The following NKTR variants were observed in gnomAD, a reference collection of about 807,000 sequenced individuals.
NKTR encodes the protein natural killer cell triggering receptor.
Under a neutral mutation model 156.3 loss-of-function variants are expected in NKTR, and 67 were observed. The observed-to-expected ratio is 0.43, with a 90% confidence interval of 0.35 to 0.53. The LOEUF (loss-of-function observed/expected upper bound fraction) is 0.53, where lower values mean the gene tolerates loss of function less well. NKTR is among the 20% of genes least tolerant of loss of function. NKTR has a pLI of 0.01. For synonymous variants in NKTR, 640 were observed against 596.6 expected (o/e 1.07, Z -1.06); for missense variants, 1,604 against 1,730.9 (o/e 0.93, Z 1.30).
intron 1 of NKTR, 41 bp from the exon 2 acceptor site, chr3:42,600,943 C>T (rs1705348968): frequency 4.6e-6 from 6 of 1,317,724 alleles, no homozygotes; most frequent in Admixed American, 5.4e-5. Context: ...CGCCCCCGCC[C>T]TCGCCCCTGC....
In NKTR at chr3:42,647,985, G is replaced by A. The variant is rs773487518; in HGVS notation, c.*2010G>A. On this transcript the variant is annotated 3_prime_UTR_variant, in exon 17 of 17. Coordinates refer to ENST00000232978, the MANE Select transcript of NKTR (RefSeq NM_005385.4). ...TCATGGAGGCTCTGGGGAAGAATCTGCTTCTAAGTTCATTCAGGTTGTTGG... is the reference window on the plus strand; with the variant it reads ...TCATGGAGGCTCTGGGGAAGAATCTACTTCTAAGTTCATTCAGGTTGTTGG... 1 of 152,200 alleles carries A rather than the reference G, an allele frequency of 6.6e-6. No individual in the cohort carries two copies. Among genetic ancestry groups the A allele is most frequent in the Non-Finnish European group, 1.5e-5 (1 of 68,056 alleles). The allele number at this position is 152,200 out of a possible 1,614,324, so 9.4% of individuals were successfully genotyped here.
Position 42,639,617 on chromosome 3 carries a change from C to G in NKTR, c.3913C>G (p.Arg1305Gly), listed in dbSNP as rs760822606. The change falls in exon 13 of 17, where the codon CGG (arginine) becomes GGG (glycine). Residue 1305 changes from arginine to glycine, a missense_variant. Physicochemically the swap from Arg to Gly is moderately radical, Grantham distance 125. Around this residue, in one of 6 missense-constraint regions of NKTR, gnomAD observed 193 missense variants for 220.2 expected, o/e 0.88. Coordinates refer to ENST00000232978, the MANE Select transcript of NKTR (RefSeq NM_005385.4). ...ESSSDEQTPS[R>G]DDDSQSRSPS... ...TTCAAGTGATGAGCAGACGCCTAGT[C>G]GGGATGATGATAGCCAGTCCAGGAG... The G allele has an allele frequency of 3.1e-6, 5 of 1,614,136 alleles. No individual in the cohort carries two copies. The highest frequency in any genetic ancestry group is 4.2e-6 in the Non-Finnish European group (5 of 1,180,006).
At chr3:42,606,035 C>T (rs1706199293) in intron 2 of NKTR, among the ~76,000 whole-genome samples, 1 of 151,994 alleles carries the variant, frequency 6.6e-6, no homozygotes, top group African/African-American at 2.4e-5. Context: ...AGTTGGATAG[C>T]TCTGCTGCTC....
chr3:42,626,788 T>G (rs1708431226), intron 6 of NKTR, among the ~76,000 whole-genome samples: 1 of 152,158 alleles, frequency 6.6e-6, no homozygotes, highest in African/African-American at 2.4e-5. Flanking sequence ...CTAATGAAAT[T>G]TTTGCTTTCA....
intron 5 of NKTR, chr3:42,620,589 T>G (rs1457520674): frequency 1.0e-6 from 1 of 984,822 alleles, no homozygotes; most frequent in Non-Finnish European, 1.2e-6. Context: ...TAAAGTTTTC[T>G]GTGTTTCTGT....
chr3:42,620,669 G>A (rs1340803708), intron 5 of NKTR: 42 of 983,938 alleles, frequency 4.3e-5, no homozygotes, highest in Non-Finnish European at 4.9e-5. Context: ...GGATATTCCT[G>A]CTGGAATTAA....
chr3:42,610,932 T>G (rs1368484377), intron 2 of NKTR, among the ~76,000 whole-genome samples: 4 of 152,154 alleles, frequency 2.6e-5, no homozygotes, highest in African/African-American at 9.7e-5. Context: ...ATTGGGCCTG[T>G]TTTTTATCTG....
At position 42,636,886 on chromosome 3, in the gene NKTR, A is replaced by G. The variant is rs778625074; in HGVS notation, c.1182A>G (p.Ser394=). 1.3e-6 allele frequency: 2 copies of G among 1,570,560 alleles called. No homozygotes were observed. The highest frequency in any genetic ancestry group is 1.7e-6 in the Non-Finnish European group (2 of 1,166,098). Residue 394 remains serine, a synonymous_variant, in exon 13 of 17, where the codon TCA becomes TCG. Coordinates refer to ENST00000232978, the MANE Select transcript of NKTR (RefSeq NM_005385.4). ...TCTATAGGTTAAGTGACCCCTGTTCAAGCCGATGGGATGAAAGAAGCTTGT... is the reference window on the plus strand; with the variant it reads ...TCTATAGGTTAAGTGACCCCTGTTCGAGCCGATGGGATGAAAGAAGCTTGT... The part of the protein sequence containing the change: ...SKGDKLSDPC[S]SRWDERSLSQ...
chr3:42,609,082 C>CAT (rs754961578), intron 2 of NKTR, among the ~76,000 whole-genome samples: 11 of 151,318 alleles, frequency 7.3e-5, no homozygotes, highest in Non-Finnish European at 1.6e-4. Context: ...GAGCAGAGAT[C>CAT]ATACCACTGC....
Position 42,643,900 on chromosome 3 carries a change from A to G in NKTR, c.4200-2A>G. 1 of 1,609,392 alleles carries G rather than the reference A, an allele frequency of 6.2e-7. No individual in the cohort carries two copies. The highest frequency in any genetic ancestry group is 8.5e-7 in the Non-Finnish European group (1 of 1,176,994). ...TAGTGTTTGTTGTTGCCGTTAAAGC[A>G]GGTCCTACACCTACGATAGCTACTA... On this transcript the variant is annotated splice_acceptor_variant, in intron 15 of 16. Transcript: ENST00000232978. LOFTEE classifies it high-confidence loss of function.
chr3:42,621,425 A>G lies in NKTR; in HGVS notation c.287-4A>G, dbSNP rs1329725776. On this transcript the variant is annotated splice_region_variant and splice_polypyrimidine_tract_variant and intron_variant, in intron 5 of 16. Transcript: ENST00000232978. ...ACTGACAAATTTGTGTTTTCTTCAA[A>G]CAGATGAAAACTTTATTCTCAAACA... 6.2e-7 allele frequency: 1 copy of G among 1,600,762 alleles called. No individual in the cohort carries two copies. Among genetic ancestry groups the G allele is most frequent in the Non-Finnish European group, 8.5e-7 (1 of 1,175,288 alleles).
intron 7 of NKTR, 51 bp downstream of exon 7, chr3:42,630,626 T>C: frequency 1.9e-6 from 3 of 1,612,092 alleles, no homozygotes; most frequent in Non-Finnish European, 1.7e-6. Flanking sequence ...TGGCCAGCCA[T>C]AAAGAGAGAT....
chr3:42,601,639 G>A (rs865818365), intron 2 of NKTR: 3 of 152,012 alleles, frequency 2.0e-5, no homozygotes, highest in African/African-American at 7.3e-5. Flanking sequence ...TTGTCTTTAG[G>A]GAATCCAGAC....
Position 42,638,546 on chromosome 3 carries a change from T to C in NKTR, c.2842T>C (p.Trp948Arg). 6.2e-7 allele frequency: 1 copy of C among 1,613,870 alleles called. No individual in the cohort carries two copies. Among genetic ancestry groups the C allele is most frequent in the South Asian group, 1.1e-5 (1 of 90,980 alleles). The change falls in exon 13 of 17, where the codon TGG becomes CGG. Residue 948 changes from tryptophan (W) to arginine (R), a missense_variant. Trp to Arg is a moderately radical substitution (Grantham distance 101). Transcript: ENST00000232978. ...TTCACTGCCTGATGATAATGGTGCTTGGAAATCAAGCAAACAGCGCACATC... is the reference window on the plus strand; with the variant it reads ...TTCACTGCCTGATGATAATGGTGCTCGGAAATCAAGCAAACAGCGCACATC... ...NTSLPDDNGAWKSSKQRTSTS... is the reference protein window; with the variant it reads ...NTSLPDDNGARKSSKQRTSTS...
Position 42,632,836 on chromosome 3 carries a change from C to A in NKTR, c.773+13C>A. On this transcript the variant is annotated intron_variant, in intron 9 of 16. Transcript: ENST00000232978. ...TGAACCCAAAAGGGTACGTGTAAAA[C>A]ACCAATGTACTCTTACCTAAAAACA... is the stretch of plus-strand genomic sequence containing the variant. 1 of 1,544,426 alleles carries A rather than the reference C, an allele frequency of 6.5e-7. No homozygotes were observed. Among genetic ancestry groups the A allele is most frequent in the Non-Finnish European group, 8.7e-7 (1 of 1,147,378 alleles).
chr3:42,639,672 C>A lies in NKTR; in HGVS notation c.3968C>A (p.Thr1323Asn). The A allele has an allele frequency of 1.2e-6, 2 of 1,613,936 alleles. No homozygotes were observed. Among genetic ancestry groups the A allele is most frequent in the Non-Finnish European group, 1.7e-6 (2 of 1,179,910 alleles). ...AGTAGATCTCGAAGTAAATCTGAAACCAAATCAAGACACAGAACAAGGTCT... is the reference window on the plus strand; with the variant it reads ...AGTAGATCTCGAAGTAAATCTGAAAACAAATCAAGACACAGAACAAGGTCT... ...SPSRSRSKSE[T>N]KSRHRTRSVS... Residue 1323 changes from threonine (T) to asparagine (N), a missense_variant, in exon 13 of 17, where the codon ACC (threonine) becomes AAC (asparagine). Thr to Asn is a moderately conservative substitution (Grantham distance 65). Around this residue, in one of 6 missense-constraint regions of NKTR, gnomAD observed 193 missense variants for 220.2 expected, o/e 0.88. Transcript: ENST00000232978.
At chr3:42,629,690 A>G (rs745795449) in intron 6 of NKTR, 58 of 979,548 alleles carry the variant, frequency 5.9e-5, no homozygotes, top group Non-Finnish European at 6.7e-5. Context: ...TTCTGAGACT[A>G]ATTATCTGCT....
At chr3:42,632,061 C>CTT (rs564114469) in intron 8 of NKTR, among the ~76,000 whole-genome samples, 2,000 of 86,500 alleles carry the variant, frequency 0.023, 29 homozygotes, top group Middle Eastern at 0.041. Context: ...TTATGCAATT[C>CTT]TTTTTTTTTT....
chr3:42,620,176 ATTAT>A (rs2125784270), intron 5 of NKTR: 1 of 1,327,978 alleles, frequency 7.5e-7, no homozygotes, highest in East Asian at 2.9e-5. Context: ...AATTCTGTGT[ATTAT>A]TTCATACATG....
Sources: allele counts gnomAD v4.1 joint callset (sites outside exome capture counted in the v4.1 genomes callset), GRCh38; gene constraint gnomAD v4.1.1; regional missense constraint gnomAD v4.1.1; transcripts MANE v1.5; gene names NCBI Gene and HGNC (gene_info 2026-07-23, HGNC 2026-07-21).